The following CLEC16A variants were observed in gnomAD, a reference collection of about 807,000 sequenced individuals.
The protein encoded by CLEC16A is protein CLEC16A.
In CLEC16A, 51 loss-of-function variants were observed where a neutral mutation model predicts 109.5. That is an observed-to-expected ratio of 0.47 (90% CI 0.37 to 0.59). The LOEUF (loss-of-function observed/expected upper bound fraction) is 0.59. Among genes scored for constraint, CLEC16A ranks in the 20% least tolerant of loss-of-function variants. The probability of loss-of-function intolerance (pLI) is 0.00; values close to 1 mark genes in which losing one functional copy is unlikely to be tolerated. For synonymous variants in CLEC16A, 673 were observed against 564.2 expected (o/e 1.19, Z -2.73); for missense variants, 1,339 against 1,394.0 (o/e 0.96, Z 0.63).
chr16:11,169,698 T>C (rs2068424765), intron 23 of CLEC16A, among the ~76,000 whole-genome samples: 1 of 152,252 alleles, frequency 6.6e-6, no homozygotes, highest in Admixed American at 6.5e-5. Flanking sequence ...CCCACGGTTT[T>C]GAACACTTGA....
intron 11 of CLEC16A, among the ~76,000 whole-genome samples, chr16:11,005,445 G>C (rs534735870): frequency 5.3e-5 from 8 of 152,136 alleles, no homozygotes; most frequent in Non-Finnish European, 1.0e-4. Context: ...TTGAACAGTT[G>C]GTGCTTCAGG....
chr16:11,039,845 C>T lies in CLEC16A; in HGVS notation c.1629C>T (p.Leu543=). ...TTYNHPLAER[L]IRIMNNAAQP... ...ACAACCACCCGCTAGCTGAAAGACTCATCAGGATCATGAACAACGCTGCCC... is the reference window on the plus strand; with the variant it reads ...ACAACCACCCGCTAGCTGAAAGACTTATCAGGATCATGAACAACGCTGCCC... Residue 543 remains leucine (L), a synonymous_variant, in exon 14 of 24, where the codon CTC becomes CTT. Coordinates refer to ENST00000409790, the MANE Select transcript of CLEC16A (RefSeq NM_015226.3). The T allele has an allele frequency of 6.2e-7, 1 of 1,612,886 alleles. No homozygotes were observed. The highest frequency in any genetic ancestry group is 1.7e-5 in the Admixed American group (1 of 59,896).
rs2046019213 is a variant in CLEC16A at position 11,020,295 on chromosome 16, C to T, written c.1406C>T (p.Ala469Val). ...NTTDEEKSAAATCSESTQWSR... is the reference protein window; with the variant it reads ...NTTDEEKSAAVTCSESTQWSR... ...ACGGACGAGGAGAAAAGCGCCGCCGCCACCTGCTCTGAGAGCACGCAATGG... is the reference window on the plus strand; with the variant it reads ...ACGGACGAGGAGAAAAGCGCCGCCGTCACCTGCTCTGAGAGCACGCAATGG... Residue 469 changes from alanine to valine, a missense_variant, in exon 12 of 24, where the codon GCC becomes GTC. This residue lies in a region of CLEC16A where 1,061 missense variants were observed against 1,006.8 expected (regional missense o/e 1.05). Transcript: ENST00000409790. 6.2e-7 allele frequency: 1 copy of T among 1,613,298 alleles called. No individual in the cohort carries two copies. The highest frequency in any genetic ancestry group is 8.5e-7 in the Non-Finnish European group (1 of 1,179,582).
At chr16:11,076,461 G>A (rs77708896) in intron 19 of CLEC16A, among the ~76,000 whole-genome samples, 5 of 152,024 alleles carry the variant, frequency 3.3e-5, no homozygotes, top group East Asian at 1.9e-4. Context: ...GACATCCCTC[G>A]CTCCAGCCCA....
chr16:11,112,783 A>C (rs1044231303), intron 19 of CLEC16A, among the ~76,000 whole-genome samples: 6 of 152,226 alleles, frequency 3.9e-5, no homozygotes, highest in Non-Finnish European at 7.3e-5. Context: ...CTTTCCTTGG[A>C]ACAAGGTTCC....
chr16:11,059,026 G>A (rs966066094), intron 18 of CLEC16A, among the ~76,000 whole-genome samples: 2 of 152,066 alleles, frequency 1.3e-5, no homozygotes, highest in African/African-American at 4.8e-5. Context: ...TAAGTTTCCT[G>A]GTGCACTTGG....
At chr16:11,127,042 T>C (rs1283794953) in intron 22 of CLEC16A, among the ~76,000 whole-genome samples, 1 of 152,228 alleles carries the variant, frequency 6.6e-6, no homozygotes, top group Non-Finnish European at 1.5e-5. Context: ...GTATATACCG[T>C]AGGCATATGA....
At chr16:10,974,415 A>T (rs2042943308) in intron 7 of CLEC16A, among the ~76,000 whole-genome samples, 1 of 152,172 alleles carries the variant, frequency 6.6e-6, no homozygotes, top group South Asian at 2.1e-4. Context: ...CCAGAGCAGG[A>T]TTTCTTTCCC....
Position 10,979,390 on chromosome 16 carries a change from T to G in CLEC16A, c.957+8T>G. ...CTTTATCTTCTGTCACAGGTATGCTTGATCATTCACCAATGTCCCCACTAC... is the reference window on the plus strand; with the variant it reads ...CTTTATCTTCTGTCACAGGTATGCTGGATCATTCACCAATGTCCCCACTAC... On this transcript the variant is annotated splice_region_variant and intron_variant, in intron 9 of 23. Coordinates refer to ENST00000409790, the MANE Select transcript of CLEC16A (RefSeq NM_015226.3). 2 of 1,612,400 alleles carry G rather than the reference T, an allele frequency of 1.2e-6. No homozygotes were observed. Among genetic ancestry groups the G allele is most frequent in the Non-Finnish European group, 1.7e-6 (2 of 1,179,286 alleles).
At chr16:10,999,944 C>T (rs1353928923) in intron 10 of CLEC16A, among the ~76,000 whole-genome samples, 2 of 152,200 alleles carry the variant, frequency 1.3e-5, no homozygotes, top group Non-Finnish European at 2.9e-5. Flanking sequence ...TCGATCGATT[C>T]TCTTGCCTCA....
intron 5 of CLEC16A, among the ~76,000 whole-genome samples, chr16:10,971,716 A>G (rs76501907): frequency 0.027 from 4,050 of 152,242 alleles, 63 homozygotes; most frequent in African/African-American, 0.042. Context: ...TTCCCTCAAG[A>G]TGTTCTTAAT....
At chr16:10,988,632 G>C (rs1352275179) in intron 10 of CLEC16A, among the ~76,000 whole-genome samples, 1 of 152,164 alleles carries the variant, frequency 6.6e-6, no homozygotes, top group Non-Finnish European at 1.5e-5. Context: ...CAGTGGCTGG[G>C]TTTGCAGTGG....
chr16:11,008,289 T>G (rs746204343), intron 11 of CLEC16A, among the ~76,000 whole-genome samples: 3 of 152,066 alleles, frequency 2.0e-5, no homozygotes, highest in African/African-American at 2.4e-5. Flanking sequence ...ACTGAGAAAA[T>G]CCTTGAATTT....
intron 12 of CLEC16A, 89 bp from the exon 13 acceptor site, chr16:11,024,732 G>A: frequency 1.0e-6 from 1 of 979,216 alleles, no homozygotes; most frequent in Non-Finnish European, 1.6e-6. Context: ...CTGTGTCAAA[G>A]GCAGCTAGCA....
rs962153110 is a variant in CLEC16A at position 11,178,911 on chromosome 16, A to G, written c.*221A>G. On this transcript the variant is annotated 3_prime_UTR_variant, in exon 24 of 24. Transcript: ENST00000409790. This position sits in a 1 kb window ranked among gnomAD's most constrained non-coding sequence, Gnocchi z 6.5. ...TTCACGTGCAGGCTGGGACCAGCGG[A>G]GACACCGCGGCGAATGCAGATGACT... The G allele has an allele frequency of 1.2e-5, 6 of 499,880 alleles. No individual in the cohort carries two copies. The highest frequency in any genetic ancestry group is 1.2e-4 in the African/African-American group (6 of 51,310). The allele number at this position is 499,880 out of a possible 1,614,324, so 31.0% of individuals were successfully genotyped here. A position where few individuals can be genotyped will look rare whatever the true frequency, so the allele number is the denominator to read the frequency against.
chr16:11,137,755 A>G (rs2053637411), intron 22 of CLEC16A, among the ~76,000 whole-genome samples: 2 of 151,662 alleles, frequency 1.3e-5, no homozygotes, highest in South Asian at 2.1e-4. Context: ...GTTGCAGTGA[A>G]CCAAGGTCGC....
In CLEC16A at chr16:11,102,048, A is replaced by C. The variant is rs1051716090; in HGVS notation, c.2117-18567A>C. On this transcript the variant is annotated intron_variant, in intron 19 of 23. Transcript: ENST00000409790. ...GGCTGGTCTCAAACTCTTGGGCTTG[A>C]GCAATCTGCCTACCTCAGCCTCCCA... 3.4e-5 allele frequency among the ~76,000 whole-genome samples: 5 copies of C among 147,224 alleles called. No individual in the cohort carries two copies. In the Admixed American group the frequency reaches 3.5e-4, roughly 10 times the overall value.
chr16:11,164,628 A>G (rs2054840655), intron 22 of CLEC16A, among the ~76,000 whole-genome samples: 1 of 152,220 alleles, frequency 6.6e-6, no homozygotes, highest in Admixed American at 6.5e-5. Context: ...GAGCCAGGTA[A>G]CCTGGCAAAA....
chr16:11,159,198 C>T lies in CLEC16A; in HGVS notation c.2642-7190C>T, dbSNP rs151188182. ...GGAATCTGTGCTTTCTGATTTGCCC[C>T]AGTCTCTACCAGGCCCTGCCATCTC... On this transcript the variant is annotated intron_variant, in intron 22 of 23. Coordinates refer to ENST00000409790, the MANE Select transcript of CLEC16A (RefSeq NM_015226.3). 4.6e-5 allele frequency among the ~76,000 whole-genome samples: 7 copies of T among 152,322 alleles called. No homozygotes were observed. The East Asian group carries it at 1.3e-3, about 29-fold the overall frequency.
Sources: gnomAD v4.1 joint callset for allele counts (sites outside exome capture counted in the v4.1 genomes callset) on GRCh38, gnomAD v4.1.1 for gene constraint, gnomAD v4.1.1 regional missense constraint, Gnocchi (gnomAD v3.1) non-coding constraint, MANE v1.5 for transcripts, NCBI Gene and HGNC (gene_info 2026-07-23, HGNC 2026-07-21) for gene names.